PTPRQ: variants seen among roughly 807,000 people sequenced by gnomAD.
PTPRQ encodes the protein protein tyrosine phosphatase receptor type Q.
PTPRQ carries 199 observed loss-of-function variants against 246.0 expected under a neutral mutation model. That is an observed-to-expected ratio of 0.81 (90% confidence interval 0.72 to 0.91). The LOEUF is 0.91. PTPRQ is among the 40% of genes least tolerant of loss of function. PTPRQ has a pLI of 0.00. For missense variants in PTPRQ, 2,624 were observed against 2,528.4 expected (o/e 1.04, Z -0.81); for synonymous variants, 869 against 853.2 (o/e 1.02, Z -0.32).
chr12:80,676,195 C>T (rs1901130936), intron 43 of PTPRQ, among the ~76,000 whole-genome samples: 1 of 152,186 alleles, frequency 6.6e-6, no homozygotes, highest in Admixed American at 6.5e-5. Context: ...TTATTTTCTT[C>T]TCCTGCACTC....
chr12:80,564,372 CT>C (rs1485970392), intron 25 of PTPRQ, among the ~76,000 whole-genome samples: 2 of 152,140 alleles, frequency 1.3e-5, no homozygotes, highest in African/African-American at 4.8e-5. Flanking sequence ...CTAACTCCAC[CT>C]TTCAGCCTCC....
chr12:80,628,782 T>C (rs985694994), intron 33 of PTPRQ, among the ~76,000 whole-genome samples: 24 of 152,250 alleles, frequency 1.6e-4, no homozygotes, highest in African/African-American at 5.3e-4. Context: ...AAGTGATTTA[T>C]ATGTTAAAAT....
At chr12:80,649,950 T>C (rs2121224793) in intron 37 of PTPRQ, among the ~76,000 whole-genome samples, 1 of 152,318 alleles carries the variant, frequency 6.6e-6, no homozygotes, top group East Asian at 1.9e-4. Context: ...TTCATCCAGA[T>C]GTAGGTGCAA....
rs1434759229 is a variant in PTPRQ, at chr12:80,496,059, G to A, written c.1943G>A (p.Ser648Asn). The change falls in exon 13 of 45, where the codon AGT becomes AAT. Residue 648 changes from serine (S) to asparagine (N), a missense_variant. Physicochemically the swap from Ser to Asn is conservative, Grantham distance 46. Coordinates refer to ENST00000644991, the MANE Select transcript of PTPRQ (RefSeq NM_001145026.2). ...GCAGCCTCAACCCACGTTGGAGAAA[G>A]TTCTTTGTCTGAAGAAAATGACATC... The part of the protein sequence containing the change: ...RVAASTHVGE[S>N]SLSEENDIFV... 6.5e-7 allele frequency: 1 copy of A among 1,549,768 alleles called. No homozygotes were observed. Among genetic ancestry groups the A allele is most frequent in the Non-Finnish European group, 8.7e-7 (1 of 1,146,248 alleles).
At chr12:80,632,558 T>C (rs992029840) in intron 34 of PTPRQ, among the ~76,000 whole-genome samples, 1 of 152,118 alleles carries the variant, frequency 6.6e-6, no homozygotes, top group African/African-American at 2.4e-5. Flanking sequence ...CTAGCAGAAA[T>C]GGCTAACTAC....
At chr12:80,648,574 AC>A (rs1156389141) in intron 35 of PTPRQ, among the ~76,000 whole-genome samples, 1 of 152,086 alleles carries the variant, frequency 6.6e-6, no homozygotes, top group Non-Finnish European at 1.5e-5. Context: ...ACCACTAAAT[AC>A]CATGCAATAT....
At chr12:80,597,547 A>G (rs1447456640) in intron 26 of PTPRQ, among the ~76,000 whole-genome samples, 1 of 151,976 alleles carries the variant, frequency 6.6e-6, no homozygotes, top group Non-Finnish European at 1.5e-5. Flanking sequence ...ACCAGCTCCC[A>G]AACTTCCTTT....
chr12:80,503,012 G>T (rs1894849350), intron 14 of PTPRQ, among the ~76,000 whole-genome samples: 2 of 151,734 alleles, frequency 1.3e-5, no homozygotes, highest in Non-Finnish European at 2.9e-5. Context: ...CCAGTTGTCT[G>T]TCTTAAAGAG....
intron 3 of PTPRQ, among the ~76,000 whole-genome samples, chr12:80,451,129 T>G (rs1172534013): frequency 6.6e-6 from 1 of 152,222 alleles, no homozygotes; most frequent in African/African-American, 2.4e-5. Flanking sequence ...GTCGAGGAAT[T>G]TATCCATTCC....
At chr12:80,552,693 A>G (rs1267858288) in intron 25 of PTPRQ, among the ~76,000 whole-genome samples, 2 of 113,048 alleles carry the variant, frequency 1.8e-5, no homozygotes, top group African/African-American at 3.4e-5. Flanking sequence ...ATATATATAT[A>G]TTTGGAAATT....
intron 17 of PTPRQ, among the ~76,000 whole-genome samples, chr12:80,533,475 C>T (rs1456405618): frequency 6.6e-6 from 1 of 151,868 alleles, no homozygotes; most frequent in African/African-American, 2.4e-5. Flanking sequence ...TACGTTGTTT[C>T]CAATCTCATT....
At chr12:80,668,823 A>G (rs1249589599) in intron 39 of PTPRQ, among the ~76,000 whole-genome samples, 184 bp from the exon 40 acceptor site, 1 of 151,902 alleles carries the variant, frequency 6.6e-6, no homozygotes, top group Admixed American at 6.6e-5. Context: ...GTTGTGTAGT[A>G]TATCAGATTG....
chr12:80,629,177 G>C (rs770069494), intron 33 of PTPRQ, among the ~76,000 whole-genome samples: 18 of 151,930 alleles, frequency 1.2e-4, no homozygotes, highest in Non-Finnish European at 2.4e-4. Context: ...CACACACAGA[G>C]AGAGAGAAAG....
intron 23 of PTPRQ, 144 bp downstream of exon 23, chr12:80,543,025 C>T (rs1480477964): frequency 9.5e-6 from 6 of 632,390 alleles, no homozygotes; most frequent in Non-Finnish European, 1.5e-5. Flanking sequence ...TTTAAGGATG[C>T]TTATGGAAAA....
chr12:80,632,252 C>T lies in PTPRQ; in HGVS notation c.5747C>T (p.Ser1916Leu). The T allele has an allele frequency of 1.3e-6, 2 of 1,551,286 alleles. No individual in the cohort carries two copies. The highest frequency in any genetic ancestry group is 1.7e-6 in the Non-Finnish European group (2 of 1,146,828). The change falls in exon 34 of 45, where the codon TCA (serine) becomes TTA (leucine). Residue 1916 changes from serine (S) to leucine (L), a missense_variant. By Grantham distance (145) the Ser-to-Leu change is moderately radical (BLOSUM62 -2). Transcript: ENST00000644991. ...IILSVTLCIL[S>L]IILLGTAIFA... is the part of the protein sequence containing the mutation. Reference sequence around the variant, plus strand: ...CTTTCCGTCACTTTGTGTATCCTTTCAATAATTCTCCTTGGAACAGCTATT... The same window carrying T: ...CTTTCCGTCACTTTGTGTATCCTTTTAATAATTCTCCTTGGAACAGCTATT...
chr12:80,623,297 T>C (rs1899066708), intron 33 of PTPRQ, among the ~76,000 whole-genome samples: 1 of 152,120 alleles, frequency 6.6e-6, no homozygotes, highest in Non-Finnish European at 1.5e-5. Flanking sequence ...CTTGAAGAAA[T>C]AGAGGGGGCA....
rs1009535082 is a variant in PTPRQ at position 80,444,787 on chromosome 12, T to G, written c.101T>G (p.Ile34Ser). 3 of 1,540,150 alleles carry G rather than the reference T, an allele frequency of 1.9e-6. No homozygotes were observed. The highest frequency in any genetic ancestry group is 1.8e-6 in the Non-Finnish European group (2 of 1,139,086). The change falls in exon 2 of 45, where the codon ATC (isoleucine) becomes AGC (serine). Residue 34 changes from isoleucine (I) to serine (S), a missense_variant. Physicochemically the swap from Ile to Ser is moderately radical, Grantham distance 142. Coordinates refer to ENST00000644991, the MANE Select transcript of PTPRQ (RefSeq NM_001145026.2). ...VVPGTRYDIT[I>S]SSISTTYTSP... ...CCTGGTACTAGGTACGATATAACCATCTCTTCAATTTCTACAACATACACC... is the reference window on the plus strand; with the variant it reads ...CCTGGTACTAGGTACGATATAACCAGCTCTTCAATTTCTACAACATACACC...
At chr12:80,477,637 G>GGAGT (rs954096751) in intron 8 of PTPRQ, among the ~76,000 whole-genome samples, 1 of 152,050 alleles carries the variant, frequency 6.6e-6, no homozygotes, top group Non-Finnish European at 1.5e-5. Context: ...ATCTCACTAG[G>GGAGT]GCCAGACAGT....
intron 3 of PTPRQ, among the ~76,000 whole-genome samples, chr12:80,452,466 G>T (rs1218988345): frequency 6.6e-6 from 1 of 152,168 alleles, no homozygotes; most frequent in East Asian, 1.9e-4. Context: ...AGCCTTGATG[G>T]TCTTTACAAT....
Sources: allele counts gnomAD v4.1 joint callset (sites outside exome capture counted in the v4.1 genomes callset), GRCh38; gene constraint gnomAD v4.1.1; transcripts MANE v1.5; gene names NCBI Gene and HGNC (gene_info 2026-07-23, HGNC 2026-07-21).